The following CCBE1 variants were observed in gnomAD, a reference collection of about 807,000 sequenced individuals.
The protein encoded by CCBE1 is collagen and calcium binding EGF domains 1.
A neutral mutation model predicts 50.0 loss-of-function variants in CCBE1; 37 were observed. The observed-to-expected ratio is 0.74, with a 90% CI of 0.57 to 0.97. CCBE1 has a LOEUF of 0.97. Ranked by LOEUF, CCBE1 falls within the 50% of genes least tolerant of loss-of-function variation. The pLI is 0.00. For missense variants in CCBE1, 538 were observed against 523.8 expected, an observed-to-expected ratio of 1.03 and a Z score of -0.26; for synonymous variants, 234 against 203.7, an observed-to-expected ratio of 1.15 and a Z score of -1.27.
At chr18:59,626,186 C>T (rs559614876) in intron 2 of CCBE1, among the ~76,000 whole-genome samples, 1 of 152,248 alleles carries the variant, frequency 6.6e-6, no homozygotes, top group Admixed American at 6.5e-5. Flanking sequence ...TTGCTTTAAG[C>T]AAAATGTTCC....
At chr18:59,442,055 A>G (rs17779962) in intron 7 of CCBE1, among the ~76,000 whole-genome samples, 24,980 of 152,054 alleles carry the variant, frequency 0.16, 2,035 homozygotes, top group South Asian at 0.2. Flanking sequence ...CCCTGAATAA[A>G]CCATACCATA....
intron 2 of CCBE1, among the ~76,000 whole-genome samples, chr18:59,663,190 A>G (rs2054308421): frequency 6.6e-6 from 1 of 152,200 alleles, no homozygotes; most frequent in African/African-American, 2.4e-5. Flanking sequence ...CCTAATGGGA[A>G]GTAGATTGTG....
chr18:59,622,058 T>C (rs868628687), intron 2 of CCBE1, among the ~76,000 whole-genome samples: 2 of 152,236 alleles, frequency 1.3e-5, no homozygotes, highest in Non-Finnish European at 2.9e-5. Flanking sequence ...TATCCTGGCA[T>C]TGAATAATTC....
At chr18:59,509,385 G>A (rs1177438368) in intron 2 of CCBE1, among the ~76,000 whole-genome samples, 2 of 151,978 alleles carry the variant, frequency 1.3e-5, no homozygotes, top group African/African-American at 4.8e-5. Flanking sequence ...GTCTGATCAA[G>A]AATTTTAATG....
At chr18:59,620,063 G>C (rs881254) in intron 2 of CCBE1, among the ~76,000 whole-genome samples, 51,766 of 151,852 alleles carry the variant, frequency 0.34, 9,186 homozygotes, top group East Asian at 0.6. Flanking sequence ...AGGGGAATAG[G>C]AAAGGAAAGA....
chr18:59,682,822 T>C (rs903706053), intron 2 of CCBE1, among the ~76,000 whole-genome samples: 2 of 152,240 alleles, frequency 1.3e-5, no homozygotes, highest in African/African-American at 4.8e-5. Flanking sequence ...AACTTGCACA[T>C]TGCTATGGTG....
intron 2 of CCBE1, among the ~76,000 whole-genome samples, chr18:59,640,899 C>T (rs186052607): frequency 1.2e-4 from 19 of 152,178 alleles, no homozygotes; most frequent in African/African-American, 4.6e-4. Context: ...GCTCAACATC[C>T]CTCATCAGAG....
chr18:59,556,209 T>C (rs2052654649), intron 2 of CCBE1, among the ~76,000 whole-genome samples: 1 of 152,136 alleles, frequency 6.6e-6, no homozygotes, highest in Non-Finnish European at 1.5e-5. Context: ...GGGAAATGCA[T>C]GAAATACAGA....
chr18:59,540,907 T>C (rs1411182303), intron 2 of CCBE1, among the ~76,000 whole-genome samples: 2 of 152,222 alleles, frequency 1.3e-5, no homozygotes, highest in Admixed American at 6.5e-5. Flanking sequence ...ACTAACAGTG[T>C]CTGTCCAGCC....
chr18:59,479,732 C>T (rs1049295565), intron 3 of CCBE1, among the ~76,000 whole-genome samples: 1 of 152,178 alleles, frequency 6.6e-6, no homozygotes, highest in East Asian at 1.9e-4. Context: ...GGGCTGGGTC[C>T]CCGCCTTACT....
intron 2 of CCBE1, among the ~76,000 whole-genome samples, chr18:59,569,249 G>T (rs184421058): frequency 1.3e-5 from 2 of 152,278 alleles, no homozygotes; most frequent in Non-Finnish European, 2.9e-5. Context: ...GCACTTTATT[G>T]TACCAGCTTG....
intron 2 of CCBE1, among the ~76,000 whole-genome samples, chr18:59,645,843 A>G (rs1439150747): frequency 6.6e-6 from 1 of 152,174 alleles, no homozygotes; most frequent in Non-Finnish European, 1.5e-5. Context: ...CATCCTGGCT[A>G]ACACGGTGAA....
chr18:59,568,816 G>A (rs1182803979), intron 2 of CCBE1, among the ~76,000 whole-genome samples: 3 of 152,212 alleles, frequency 2.0e-5, no homozygotes, highest in East Asian at 1.9e-4. Context: ...AGAGTGAACA[G>A]CATGCTTACT....
chr18:59,575,058 A>G (rs1393961906), intron 2 of CCBE1, among the ~76,000 whole-genome samples: 2 of 152,144 alleles, frequency 1.3e-5, no homozygotes, highest in Non-Finnish European at 2.9e-5. Context: ...GATCGGGGCG[A>G]TTCTCCTGCA....
rs150593017 is a variant in CCBE1 at position 59,525,751 on chromosome 18, C to T, written c.213-45513G>A. ...GTTTACATTTAACTCTTTAATCCAT[C>T]TTGAGTTAATTTTTGTTTAAGGTGT... On this transcript the variant is annotated intron_variant, in intron 2 of 10. Transcript: ENST00000439986. Among the ~76,000 whole-genome samples, 508 of 152,248 alleles carry T rather than the reference C, an allele frequency of 3.3e-3. 4 individuals are homozygous for T. Among genetic ancestry groups the T allele is most frequent in the African/African-American group, 0.012 (492 of 41,542 alleles).
intron 2 of CCBE1, among the ~76,000 whole-genome samples, chr18:59,640,822 A>G (rs10445538): frequency 0.45 from 68,651 of 152,026 alleles, 17,161 homozygotes; most frequent in Non-Finnish European, 0.56. Context: ...AAAAAGTGGA[A>G]CAAAGGACAT....
chr18:59,672,668 A>C (rs568941590), intron 2 of CCBE1, among the ~76,000 whole-genome samples: 2 of 152,354 alleles, frequency 1.3e-5, no homozygotes, highest in African/African-American at 4.8e-5. Context: ...ACCTTCTCTA[A>C]TGAGCCTTGC....
intron 2 of CCBE1, among the ~76,000 whole-genome samples, chr18:59,600,195 C>T (rs1047939139): frequency 1.1e-4 from 16 of 152,130 alleles, no homozygotes; most frequent in Admixed American, 1.3e-4. Flanking sequence ...CTGTGCTCTA[C>T]CTCCTGTCAG....
rs975156830 is a variant in CCBE1, at chr18:59,439,956, C to T, written c.776-140G>A. The T allele has an allele frequency of 5.8e-6, 5 of 869,216 alleles. No homozygotes were observed. In the African/African-American group the frequency reaches 6.8e-5, roughly 12 times the overall value. The allele number at this position is 869,216 out of a possible 1,614,324, so 53.8% of individuals were successfully genotyped here. A position where few individuals can be genotyped will look rare whatever the true frequency, so the allele number is the denominator to read the frequency against. On this transcript the variant is annotated intron_variant, in intron 7 of 10. Transcript: ENST00000439986. ...CCTTCTGACATCTCCATCAGGCTGT[C>T]CCACAGGCATTTTAAACTTGATACG...
Sources: allele counts gnomAD v4.1 joint callset (sites outside exome capture counted in the v4.1 genomes callset), GRCh38; gene constraint gnomAD v4.1.1; transcripts MANE v1.5; gene names NCBI Gene and HGNC (gene_info 2026-07-23, HGNC 2026-07-21).